The following ANXA4 variants were observed in gnomAD, a reference collection of about 807,000 sequenced individuals.
ANXA4 encodes 35-beta calcimedin.
Under a neutral mutation model 49.8 loss-of-function variants are expected in ANXA4, and 39 were observed. The observed-to-expected ratio is 0.78, with a 90% confidence interval of 0.61 to 1.02. The LOEUF (loss-of-function observed/expected upper bound fraction) is 1.02, where lower values mean the gene tolerates loss of function less well. ANXA4 is among the 50% of genes least tolerant of loss of function. The pLI is 0.00. For missense variants in ANXA4, 360 were observed against 410.1 expected (o/e 0.88, Z 1.05); for synonymous variants, 134 against 152.5 (o/e 0.88, Z 0.89).
intron 8 of ANXA4, among the ~76,000 whole-genome samples, chr2:69,814,583 A>G (rs1673874950): frequency 6.6e-6 from 1 of 151,904 alleles, no homozygotes; most frequent in African/African-American, 2.4e-5. Context: ...TCCTGGGCTC[A>G]AGCAACCTAT....
chr2:69,785,867 T>A (rs1183899071), intron 2 of ANXA4, among the ~76,000 whole-genome samples: 2 of 152,102 alleles, frequency 1.3e-5, no homozygotes, highest in East Asian at 3.9e-4. Context: ...GACCACCCCT[T>A]CTCAGCCATC....
intron 2 of ANXA4, among the ~76,000 whole-genome samples, chr2:69,672,482 C>T (rs1677227634): frequency 6.6e-6 from 1 of 152,098 alleles, no homozygotes; most frequent in Non-Finnish European, 1.5e-5. Context: ...TCTGCCTGCC[C>T]TGGCCCCCCA....
At chr2:69,764,778 C>T (rs770508885) in intron 1 of ANXA4, among the ~76,000 whole-genome samples, 1 of 152,194 alleles carries the variant, frequency 6.6e-6, no homozygotes, top group Non-Finnish European at 1.5e-5. Context: ...TTGCAACCAT[C>T]ACCACCATCC....
intron 1 of ANXA4, among the ~76,000 whole-genome samples, chr2:69,774,309 G>C (rs1385907304): frequency 6.7e-6 from 1 of 150,042 alleles, no homozygotes; most frequent in African/African-American, 2.5e-5. Context: ...GGTTATATGA[G>C]GTGTTTATGT....
intron 2 of ANXA4, among the ~76,000 whole-genome samples, chr2:69,692,443 G>A (rs540147102): frequency 1.3e-5 from 2 of 152,246 alleles, no homozygotes; most frequent in African/African-American, 4.8e-5. Context: ...TCATCCTAAT[G>A]AACGCCTACT....
chr2:69,692,230 G>A (rs1174322357), intron 2 of ANXA4, among the ~76,000 whole-genome samples: 2 of 152,180 alleles, frequency 1.3e-5, no homozygotes, highest in African/African-American at 4.8e-5. Flanking sequence ...TGCCTCAGGT[G>A]AAACCACAGT....
chr2:69,820,083 A>T (rs1405760963), intron 11 of ANXA4, among the ~76,000 whole-genome samples: 1 of 151,782 alleles, frequency 6.6e-6, no homozygotes, highest in Non-Finnish European at 1.5e-5. Context: ...AGAAAAAAAA[A>T]AAAAGCAAAA....
intron 2 of ANXA4, among the ~76,000 whole-genome samples, chr2:69,715,973 C>A (rs1347429507): frequency 6.6e-6 from 1 of 152,162 alleles, no homozygotes; most frequent in East Asian, 1.9e-4. Context: ...GTGCTGGGCA[C>A]ACGTCACCAG....
At chr2:69,715,266 G>A (rs959309657) in intron 2 of ANXA4, among the ~76,000 whole-genome samples, 3 of 152,108 alleles carry the variant, frequency 2.0e-5, no homozygotes, top group African/African-American at 7.2e-5. Flanking sequence ...CTGGAGTGCA[G>A]TGGTGCAATC....
intron 2 of ANXA4, among the ~76,000 whole-genome samples, chr2:69,671,831 G>A (rs76321912): frequency 0.072 from 10,892 of 152,254 alleles, 1,100 homozygotes; most frequent in East Asian, 0.37. Flanking sequence ...GGTAAGGCAT[G>A]CTATCACTGC....
At chr2:69,683,575 CT>C (rs904537036) in intron 2 of ANXA4, among the ~76,000 whole-genome samples, 2 of 152,258 alleles carry the variant, frequency 1.3e-5, no homozygotes, top group African/African-American at 4.8e-5. Context: ...TATGCGCTGT[CT>C]TCTTCTTCCT....
At chr2:69,800,280 G>A (rs1365867343) in intron 3 of ANXA4, among the ~76,000 whole-genome samples, 1 of 142,730 alleles carries the variant, frequency 7.0e-6, no homozygotes, top group African/African-American at 2.5e-5. Flanking sequence ...TTTTTTTTCA[G>A]TTTATCCTAA....
intron 2 of ANXA4, among the ~76,000 whole-genome samples, chr2:69,656,411 GTATATATATATGTGTGTGTATA>G (rs1676494558): frequency 7.9e-6 from 1 of 126,774 alleles, no homozygotes; most frequent in Non-Finnish European, 1.6e-5. Context: ...GTATATATAT[GTATATATATATGTGTGTGTATA>G]TATATATATG....
intron 2 of ANXA4, among the ~76,000 whole-genome samples, chr2:69,783,843 C>G (rs1055117310): frequency 6.6e-6 from 1 of 152,124 alleles, no homozygotes; most frequent in Non-Finnish European, 1.5e-5. Context: ...CTAGAACATC[C>G]TATATATTGA....
At chr2:69,780,906 GTGA>G (rs770123562) in intron 1 of ANXA4, among the ~76,000 whole-genome samples, 20 of 152,272 alleles carry the variant, frequency 1.3e-4, no homozygotes, top group Non-Finnish European at 2.5e-4. Context: ...AAAAAAATGT[GTGA>G]TGATGATGAA....
intron 2 of ANXA4, among the ~76,000 whole-genome samples, chr2:69,656,188 C>CGT (rs1491436859): frequency 8.9e-6 from 1 of 111,904 alleles, no homozygotes; most frequent in Non-Finnish European, 1.7e-5. Context: ...AATATATATA[C>CGT]GTATATATAT....
At chr2:69,695,612 C>G (rs943473034) in intron 2 of ANXA4, among the ~76,000 whole-genome samples, 16 of 152,276 alleles carry the variant, frequency 1.1e-4, no homozygotes, top group African/African-American at 3.8e-4. Context: ...GAGCTGGCAT[C>G]CCCTTGGGAG....
intron 1 of ANXA4, among the ~76,000 whole-genome samples, chr2:69,651,738 G>A (rs1025100977): frequency 1.4e-5 from 2 of 147,258 alleles, no homozygotes; most frequent in African/African-American, 2.5e-5. Context: ...TCCTGACGTC[G>A]TGATCCCCCC....
intron 2 of ANXA4, among the ~76,000 whole-genome samples, chr2:69,697,318 G>A (rs1477238410): frequency 6.6e-6 from 1 of 152,174 alleles, no homozygotes; most frequent in Non-Finnish European, 1.5e-5. Context: ...CTTTTGTTCT[G>A]CAGCTTCCTT....
Sources: gnomAD v4.1 joint callset for allele counts (sites outside exome capture counted in the v4.1 genomes callset) on GRCh38, gnomAD v4.1.1 for gene constraint, MANE v1.5 for transcripts, NCBI Gene and HGNC (gene_info 2026-07-23, HGNC 2026-07-21) for gene names.